CDC42BPA: variants seen among roughly 807,000 people sequenced by gnomAD.
The protein encoded by CDC42BPA is serine/threonine-protein kinase MRCK alpha.
Under a neutral mutation model 223.5 loss-of-function variants are expected in CDC42BPA, and 80 were observed. The observed-to-expected ratio is 0.36, with a 90% CI of 0.30 to 0.43. CDC42BPA has a LOEUF of 0.43. Ranked by LOEUF, CDC42BPA falls within the 20% of genes least tolerant of loss-of-function variation. CDC42BPA has a pLI of 1.00. For synonymous variants in CDC42BPA, 694 were observed against 718.6 expected (o/e 0.97, Z 0.55); for missense variants, 1,743 against 2,099.9 (o/e 0.83, Z 3.32).
chr1:227,195,731 T>G (rs1670565946), intron 4 of CDC42BPA, among the ~76,000 whole-genome samples: 2 of 152,156 alleles, frequency 1.3e-5, no homozygotes, highest in African/African-American at 4.8e-5. Context: ...ATTGGTTAAT[T>G]TTATAGTAAA....
chr1:227,025,121 T>C (rs901654987), intron 31 of CDC42BPA, among the ~76,000 whole-genome samples: 1 of 152,160 alleles, frequency 6.6e-6, no homozygotes, highest in Non-Finnish European at 1.5e-5. Context: ...TGTACACCTG[T>C]AGTCCCAGCT....
intron 1 of CDC42BPA, among the ~76,000 whole-genome samples, chr1:227,284,249 A>G (rs1688468828): frequency 1.3e-5 from 2 of 152,198 alleles, no homozygotes; most frequent in South Asian, 4.1e-4. Context: ...TTTCCTAAAA[A>G]GTAATGATTT....
At chr1:227,206,416 G>A (rs996613176) in intron 3 of CDC42BPA, among the ~76,000 whole-genome samples, 1 of 152,120 alleles carries the variant, frequency 6.6e-6, no homozygotes, top group African/African-American at 2.4e-5. Context: ...TAGCACCTTT[G>A]AGTAACCCGT....
intron 1 of CDC42BPA, among the ~76,000 whole-genome samples, chr1:227,264,054 T>C (rs1483598370): frequency 6.6e-6 from 1 of 152,226 alleles, no homozygotes; most frequent in Non-Finnish European, 1.5e-5. Flanking sequence ...TTATACTTCC[T>C]GAAAGCAACT....
chr1:227,114,307 G>A (rs1687433253), intron 12 of CDC42BPA, among the ~76,000 whole-genome samples: 1 of 151,010 alleles, frequency 6.6e-6, no homozygotes, highest in Non-Finnish European at 1.5e-5. Context: ...ACAGAAACAG[G>A]GTAAAATATT....
chr1:227,317,333 A>C lies in CDC42BPA; in HGVS notation c.-151T>G. On this transcript the variant is annotated 5_prime_UTR_variant, in exon 1 of 37. Coordinates refer to ENST00000366766, the MANE Select transcript of CDC42BPA (RefSeq NM_001394014.1). Reference sequence around the variant, plus strand: ...AATGCTGGTGCTGAATTAAACATCCAACACACCAGTAACCTCACTTAACTG... The same window carrying C: ...AATGCTGGTGCTGAATTAAACATCCCACACACCAGTAACCTCACTTAACTG... The C allele has an allele frequency of 4.2e-6, 3 of 710,570 alleles. No individual in the cohort carries two copies. The highest frequency in any genetic ancestry group is 3.2e-5 in the Admixed American group (1 of 31,398). The allele number at this position is 710,570 out of a possible 1,614,324, so 44.0% of individuals were successfully genotyped here. A position where few individuals can be genotyped will look rare whatever the true frequency, so the allele number is the denominator to read the frequency against.
chr1:227,075,323 G>A (rs1679235634), intron 17 of CDC42BPA, among the ~76,000 whole-genome samples: 1 of 152,140 alleles, frequency 6.6e-6, no homozygotes. Context: ...TGTATCCGAT[G>A]CATACAGCAG....
chr1:227,023,307 C>A lies in CDC42BPA; in HGVS notation c.4571G>T (p.Gly1524Val). Residue 1524 changes from glycine to valine, a missense_variant, in exon 32 of 37, where the codon GGG (glycine) becomes GTG (valine). By Grantham distance (109) the Gly-to-Val change is moderately radical. This residue lies in a region of CDC42BPA where 678 missense variants were observed against 777.5 expected (regional missense o/e 0.87). Transcript: ENST00000366766. The stretch of plus-strand genomic sequence containing the variant: ...ATATATTAATCTAATGGTCTCCAAC[C>A]CTAAAAGATTTAATGATCCTTCATT... ...LNNEGSLNLLGLETIRLIYFK... is the reference protein window; with the variant it reads ...LNNEGSLNLLVLETIRLIYFK... The A allele has an allele frequency of 1.9e-6, 3 of 1,547,568 alleles. No individual in the cohort carries two copies. The highest frequency in any genetic ancestry group is 1.7e-5 in the Admixed American group (1 of 57,280).
At chr1:227,257,802 AAGG>A (rs1346003277) in intron 1 of CDC42BPA, among the ~76,000 whole-genome samples, 13 of 150,692 alleles carry the variant, frequency 8.6e-5, no homozygotes, top group African/African-American at 3.2e-4. Flanking sequence ...CAAGTTTGAC[AAGG>A]TGGGTGAAAC....
At chr1:227,022,850 G>C (rs1667637795) in intron 32 of CDC42BPA, among the ~76,000 whole-genome samples, 1 of 152,016 alleles carries the variant, frequency 6.6e-6, no homozygotes, top group Non-Finnish European at 1.5e-5. Context: ...CACCACTTTC[G>C]AAGTGCTAGG....
intron 35 of CDC42BPA, among the ~76,000 whole-genome samples, chr1:227,000,483 C>T (rs1465990175): frequency 6.6e-6 from 1 of 152,224 alleles, no homozygotes; most frequent in Non-Finnish European, 1.5e-5. Context: ...CACTGCTCTG[C>T]TTACTAATGG....
Position 227,262,447 on chromosome 1 carries a change from T to C in CDC42BPA, c.179-8292A>G, listed in dbSNP as rs187557456. ...AGAGAATCATACACTCCTCCAAGAA[T>C]AGTTTAAGGCTATGAATTCCTCCCA... On this transcript the variant is annotated intron_variant, in intron 1 of 36. Coordinates refer to ENST00000366766, the MANE Select transcript of CDC42BPA (RefSeq NM_001394014.1). Among the ~76,000 whole-genome samples, 31 of 151,392 alleles carry C rather than the reference T, an allele frequency of 2.0e-4. No homozygotes were observed. In the East Asian group the frequency reaches 5.3e-3, roughly 26 times the overall value.
intron 4 of CDC42BPA, among the ~76,000 whole-genome samples, chr1:227,198,322 G>C (rs1481157875): frequency 1.3e-5 from 2 of 151,652 alleles, no homozygotes; most frequent in Non-Finnish European, 2.9e-5. Context: ...GTGGGGCACA[G>C]TGGCACACAC....
rs369403944 is a variant in CDC42BPA at position 227,297,967 on chromosome 1, T to TATACACAC, written c.178+19037_178+19038insGTGTGTAT. 4.0e-3 allele frequency among the ~76,000 whole-genome samples: 526 copies of TATACACAC among 132,064 alleles called. 3 individuals carry two copies. Among genetic ancestry groups the TATACACAC allele is most frequent in the Non-Finnish European group, 3.4e-3 (215 of 62,388 alleles). The allele number at this position is 132,064 out of a possible 152,430, so 86.6% of individuals were successfully genotyped here. On this transcript the variant is annotated intron_variant, in intron 1 of 36. Transcript: ENST00000366766. The stretch of plus-strand genomic sequence containing the variant: ...GTGTGTGTGTGTGTATATATACATA[T>TATACACAC]ACACACACACACACATATATACATA...
Position 227,213,209 on chromosome 1 carries a change from A to T in CDC42BPA, c.281T>A (p.Val94Glu). ...CACTTTATCTGCATTTTTTAGTTTT[A>T]CTACAGCAACCTAGAAAAGATAAAG... ...GRGAFGEVAV[V>E]KLKNADKVFA... The change falls in exon 3 of 37, where the codon GTA (valine) becomes GAA (glutamate). Residue 94 changes from valine to glutamate, a missense_variant. By Grantham distance (121) the Val-to-Glu change is moderately radical. Coordinates refer to ENST00000366766, the MANE Select transcript of CDC42BPA (RefSeq NM_001394014.1). The T allele has an allele frequency of 6.7e-7, 1 of 1,481,930 alleles. No individual in the cohort carries two copies. The highest frequency in any genetic ancestry group is 9.3e-7 in the Non-Finnish European group (1 of 1,072,724). 91.8% of individuals were successfully genotyped at this position (1,481,930 alleles called of 1,614,324 possible). A position where few individuals can be genotyped will look rare whatever the true frequency, so the allele number is the denominator to read the frequency against.
chr1:227,280,447 G>A (rs926348963), intron 1 of CDC42BPA, among the ~76,000 whole-genome samples: 1 of 152,194 alleles, frequency 6.6e-6, no homozygotes. Context: ...AAAAATGGGA[G>A]ATGGTTCATT....
chr1:227,310,496 C>T (rs1481601567), intron 1 of CDC42BPA, among the ~76,000 whole-genome samples: 1 of 152,060 alleles, frequency 6.6e-6, no homozygotes, highest in Non-Finnish European at 1.5e-5. Context: ...TGCTCTCATA[C>T]AGTGATAGAT....
intron 34 of CDC42BPA, among the ~76,000 whole-genome samples, chr1:227,006,952 A>T (rs1572203197): frequency 2.5e-5 from 1 of 39,370 alleles, no homozygotes; most frequent in African/African-American, 7.3e-5. Flanking sequence ...CTCCGTCTCA[A>T]CAACAACAAC....
At chr1:227,297,118 T>C (rs982065568) in intron 1 of CDC42BPA, among the ~76,000 whole-genome samples, 13 of 152,190 alleles carry the variant, frequency 8.5e-5, no homozygotes, top group African/African-American at 1.4e-4. Context: ...TCTTTTAAAG[T>C]GGGCAAAGGG....
Sources: allele counts gnomAD v4.1 joint callset (sites outside exome capture counted in the v4.1 genomes callset), GRCh38; gene constraint gnomAD v4.1.1; regional missense constraint gnomAD v4.1.1; transcripts MANE v1.5; gene names NCBI Gene and HGNC (gene_info 2026-07-23, HGNC 2026-07-21).